FUT9: variants seen among roughly 807,000 people sequenced by gnomAD.
FUT9 encodes the protein 4-galactosyl-N-acetylglucosaminide 3-alpha-L-fucosyltransferase 9.
Under a neutral mutation model 29.7 loss-of-function variants are expected in FUT9, and 15 were observed. The ratio of observed to expected loss-of-function variants is 0.51; its 90% CI spans 0.34 to 0.78. The LOEUF (loss-of-function observed/expected upper bound fraction) is 0.78, where lower values mean the gene tolerates loss of function less well. Among genes scored for constraint, FUT9 ranks in the 30% least tolerant of loss-of-function variants. FUT9 has a pLI of 0.01. For synonymous variants in FUT9, 169 were observed against 153.7 expected (o/e 1.10, Z -0.74); for missense variants, 319 against 425.4 (o/e 0.75, Z 2.20).
chr6:96,027,612 C>T (rs954979124), intron 1 of FUT9, among the ~76,000 whole-genome samples: 2 of 151,524 alleles, frequency 1.3e-5, no homozygotes, highest in African/African-American at 4.8e-5. Flanking sequence ...TCTTCTGACT[C>T]TTATTGCTTA....
Position 96,212,194 on chromosome 6 carries a change from C to T in FUT9, c.*7959C>T, listed in dbSNP as rs17056460. ...GGGCCAGAGTTACAATATCACATCT[C>T]CAGTCTCAGATTGGCCTCATTAGCC... On this transcript the variant is annotated 3_prime_UTR_variant, in exon 3 of 3. Transcript: ENST00000302103. 0.16 allele frequency: 66,518 copies of T among 412,386 alleles called. 6,142 individuals are homozygous for T. Among genetic ancestry groups the T allele is most frequent in the Admixed American group, 0.26 (5,821 of 22,660 alleles). The allele number at this position is 412,386 out of a possible 1,614,324, so 25.5% of individuals were successfully genotyped here.
chr6:96,140,588 T>C (rs1191832376), intron 2 of FUT9, among the ~76,000 whole-genome samples: 1 of 152,206 alleles, frequency 6.6e-6, no homozygotes, highest in African/African-American at 2.4e-5. Flanking sequence ...CAGTTCCACA[T>C]GGCTGGGGAG....
chr6:96,032,719 C>A (rs1163686421), intron 1 of FUT9, among the ~76,000 whole-genome samples: 1 of 151,558 alleles, frequency 6.6e-6, no homozygotes, highest in Non-Finnish European at 1.5e-5. Flanking sequence ...ACTCCCTGTT[C>A]TTAACCAGGT....
chr6:96,203,811 G>A lies in FUT9; in HGVS notation c.656G>A (p.Gly219Glu). The change falls in exon 3 of 3, where the codon GGG (glycine) becomes GAG (glutamate). Residue 219 changes from glycine (G) to glutamate (E), a missense_variant. Coordinates refer to ENST00000302103, the MANE Select transcript of FUT9 (RefSeq NM_006581.4). ...AAAAGCATTGAAATCCATACCTACG[G>A]GCAAGCATTTGGAGAATATGTCAAT... ...LSKSIEIHTY[G>E]QAFGEYVNDK... 6.2e-7 allele frequency: 1 copy of A among 1,613,012 alleles called. No homozygotes were observed. The highest frequency in any genetic ancestry group is 8.5e-7 in the Non-Finnish European group (1 of 1,179,204).
intron 1 of FUT9, among the ~76,000 whole-genome samples, chr6:96,072,505 A>G (rs1206964787): frequency 6.6e-6 from 1 of 152,122 alleles, no homozygotes; most frequent in Non-Finnish European, 1.5e-5. Context: ...AAAACAAAAC[A>G]AGGGAGAGGA....
chr6:96,203,987 G>A lies in FUT9; in HGVS notation c.832G>A (p.Glu278Lys). Residue 278 changes from glutamate to lysine, a missense_variant, in exon 3 of 3, where the codon GAG (glutamate) becomes AAG (lysine). Coordinates refer to ENST00000302103, the MANE Select transcript of FUT9 (RefSeq NM_006581.4). Reference sequence around the variant, plus strand: ...TCTGGGACCATCTAGGGAAAACTATGAGAATTATATTCCAGCAGATTCATT... The same window carrying A: ...TCTGGGACCATCTAGGGAAAACTATAAGAATTATATTCCAGCAGATTCATT... ...VVLGPSRENY[E>K]NYIPADSFIH... The A allele has an allele frequency of 6.2e-7, 1 of 1,613,054 alleles. No individual in the cohort carries two copies. Among genetic ancestry groups the A allele is most frequent in the East Asian group, 2.2e-5 (1 of 44,846 alleles).
chr6:96,154,045 G>A (rs1416958985), intron 2 of FUT9, among the ~76,000 whole-genome samples: 1 of 152,198 alleles, frequency 6.6e-6, no homozygotes, highest in African/African-American at 2.4e-5. Flanking sequence ...ATATGAGTGA[G>A]AGGAAAAAGT....
intron 1 of FUT9, among the ~76,000 whole-genome samples, chr6:96,076,131 G>C (rs1054861254): frequency 6.6e-6 from 1 of 152,122 alleles, no homozygotes; most frequent in Non-Finnish European, 1.5e-5. Context: ...AAATAGCCCA[G>C]ATTTTCAGGC....
At chr6:96,088,167 C>G (rs912214178) in intron 1 of FUT9, among the ~76,000 whole-genome samples, 1 of 151,938 alleles carries the variant, frequency 6.6e-6, no homozygotes, top group South Asian at 2.1e-4. Context: ...TGCAGCAAAC[C>G]AACAAGGCAC....
intron 1 of FUT9, among the ~76,000 whole-genome samples, chr6:96,057,869 C>T (rs1015277122): frequency 3.9e-5 from 6 of 152,166 alleles, no homozygotes; most frequent in African/African-American, 1.4e-4. Flanking sequence ...ATATACTAGA[C>T]AATTTTCTCA....
intron 2 of FUT9, among the ~76,000 whole-genome samples, chr6:96,168,710 T>C (rs1376884447): frequency 1.3e-5 from 2 of 152,116 alleles, no homozygotes; most frequent in Admixed American, 6.5e-5. Context: ...CAAAGTGAAA[T>C]ACAAGAGTAA....
chr6:96,058,586 A>C (rs1770818080), intron 1 of FUT9, among the ~76,000 whole-genome samples: 2 of 152,194 alleles, frequency 1.3e-5, no homozygotes, highest in African/African-American at 4.8e-5. Flanking sequence ...AGCTAAATGC[A>C]TAATAATTTC....
Position 96,072,049 on chromosome 6 carries a change from C to T in FUT9, c.-97-41990C>T, listed in dbSNP as rs774949053. On this transcript the variant is annotated intron_variant, in intron 1 of 2. Coordinates refer to ENST00000302103, the MANE Select transcript of FUT9 (RefSeq NM_006581.4). ...GACTTCATGAAATACATTCTATAGG[C>T]TGGGTTCCTAGGCAATATAGTAAGA... is the stretch of plus-strand genomic sequence containing the variant. 2.8e-4 allele frequency among the ~76,000 whole-genome samples: 42 copies of T among 152,078 alleles called. 1 individual carries two copies. The highest frequency in any genetic ancestry group is 1.5e-5 in the Non-Finnish European group (1 of 68,012).
intron 2 of FUT9, among the ~76,000 whole-genome samples, chr6:96,181,550 T>C (rs1214967543): frequency 6.6e-6 from 1 of 151,766 alleles, no homozygotes; most frequent in Non-Finnish European, 1.5e-5. Context: ...CCAAGCAGTA[T>C]ACACTGCACC....
chr6:96,156,335 C>T (rs913295797), intron 2 of FUT9, among the ~76,000 whole-genome samples: 8 of 152,128 alleles, frequency 5.3e-5, no homozygotes, highest in Non-Finnish European at 1.0e-4. Context: ...GATTTTATCT[C>T]CTTAGCTCAT....
intron 1 of FUT9, among the ~76,000 whole-genome samples, chr6:96,070,117 A>C (rs1771033043): frequency 6.6e-6 from 1 of 152,202 alleles, no homozygotes; most frequent in Admixed American, 6.5e-5. Flanking sequence ...AACAAAAAGC[A>C]CTTGAGAAAT....
At chr6:96,122,953 G>C (rs1222733624) in intron 2 of FUT9, among the ~76,000 whole-genome samples, 1 of 151,460 alleles carries the variant, frequency 6.6e-6, no homozygotes, top group East Asian at 1.9e-4. Flanking sequence ...CCAGCCACTC[G>C]GGAGGCTGAG....
At chr6:96,077,615 G>A (rs1771160613) in intron 1 of FUT9, among the ~76,000 whole-genome samples, 2 of 152,100 alleles carry the variant, frequency 1.3e-5, no homozygotes, top group Non-Finnish European at 2.9e-5. Flanking sequence ...AGCAAGCAGT[G>A]ATCATTCTGT....
chr6:96,092,632 T>G (rs912898809), intron 1 of FUT9, among the ~76,000 whole-genome samples: 1 of 152,166 alleles, frequency 6.6e-6, no homozygotes, highest in Non-Finnish European at 1.5e-5. Context: ...ATCGAGACTT[T>G]GCATATGTCA....
Sources: gnomAD v4.1 joint callset for allele counts (sites outside exome capture counted in the v4.1 genomes callset) on GRCh38, gnomAD v4.1.1 for gene constraint, MANE v1.5 for transcripts, NCBI Gene and HGNC (gene_info 2026-07-23, HGNC 2026-07-21) for gene names.